The following IQGAP2 variants were observed in gnomAD, a reference collection of about 807,000 sequenced individuals.
The protein encoded by IQGAP2 is IQ motif containing GTPase activating protein 2, also known as ras GTPase-activating-like protein IQGAP2.
IQGAP2 carries 173 observed loss-of-function variants against 201.3 expected under a neutral mutation model. The observed-to-expected ratio is 0.86, with a 90% CI of 0.76 to 0.98. The LOEUF (loss-of-function observed/expected upper bound fraction) is 0.98, where lower values mean the gene tolerates loss of function less well. Among genes scored for constraint, IQGAP2 ranks in the 50% least tolerant of loss-of-function variants. The pLI is 0.00. For synonymous variants in IQGAP2, 675 were observed against 673.9 expected (o/e 1.00, Z -0.03); for missense variants, 1,687 against 1,864.8 (o/e 0.90, Z 1.76).
intron 5 of IQGAP2, 134 bp from the exon 6 acceptor site, chr5:76,588,772 C>T: frequency 4.7e-6 from 2 of 427,592 alleles, no homozygotes; most frequent in Non-Finnish European, 8.4e-6. Flanking sequence ...ACTCAGTTTC[C>T]TCATTTACAA....
At chr5:76,427,023 A>T (rs1018723821) in intron 1 of IQGAP2, among the ~76,000 whole-genome samples, 2 of 123,654 alleles carry the variant, frequency 1.6e-5, no homozygotes, top group Admixed American at 1.7e-4. Context: ...GAGAAGAGAA[A>T]ATAACATTAG....
Position 76,645,184 on chromosome 5 carries a change from CT to C in IQGAP2, c.2094+4087del, listed in dbSNP as rs555570912. Among the ~76,000 whole-genome samples the C allele has an allele frequency of 8.4e-3, 1,272 of 152,238 alleles. 12 individuals are homozygous for C. The highest frequency in any genetic ancestry group is 0.029 in the African/African-American group (1,190 of 41,540). ...TCCCTGCAAAGGATGTGAACTCATC[CT>C]TTTTTATGGCTGCATAGTATTCCAT... is the stretch of plus-strand genomic sequence containing the variant. On this transcript the variant is annotated intron_variant, in intron 17 of 35. Transcript: ENST00000274364.
chr5:76,548,375 G>C (rs915608275), intron 2 of IQGAP2, among the ~76,000 whole-genome samples: 1 of 152,180 alleles, frequency 6.6e-6, no homozygotes, highest in African/African-American at 2.4e-5. Flanking sequence ...TTAAAGCACA[G>C]GCACACCTGG....
rs780528854 is a variant in IQGAP2 at position 76,702,636 on chromosome 5, G to C, written c.4614+46G>C. On this transcript the variant is annotated intron_variant, in intron 35 of 35. Coordinates refer to ENST00000274364, the MANE Select transcript of IQGAP2 (RefSeq NM_006633.5). ...CACATTGATGATAAATTTTATATGT[G>C]GATCATACATTGCTACCCTGGCTCT... The C allele has an allele frequency of 2.1e-5, 19 of 892,072 alleles. 2 individuals are homozygous for C. In the South Asian group the frequency reaches 2.4e-4, roughly 11 times the overall value. The allele number at this position is 892,072 out of a possible 1,614,324, so 55.3% of individuals were successfully genotyped here. A position where few individuals can be genotyped will look rare whatever the true frequency, so the allele number is the denominator to read the frequency against.
Position 76,496,733 on chromosome 5 carries a change from C to CT in IQGAP2, c.146+35067dup, listed in dbSNP as rs759246241. Among the ~76,000 whole-genome samples, 112 of 37,610 alleles carry CT rather than the reference C, an allele frequency of 3.0e-3. 1 individual carries two copies. The highest frequency in any genetic ancestry group is 9.3e-3 in the African/African-American group (64 of 6,884). The allele number at this position is 37,610 out of a possible 152,430, so 24.7% of individuals were successfully genotyped here. On this transcript the variant is annotated intron_variant, in intron 2 of 35. Coordinates refer to ENST00000274364, the MANE Select transcript of IQGAP2 (RefSeq NM_006633.5). ...CTTTCTTTCTTTCTTTCTTTTCTTT[C>CT]TTTCTTTCTTTCTTTCTTTCTTTCT...
chr5:76,687,457 C>T (rs1745880985), intron 30 of IQGAP2, among the ~76,000 whole-genome samples: 1 of 152,186 alleles, frequency 6.6e-6, no homozygotes. Context: ...CAAAGTGCAG[C>T]ATTGACAGGG....
intron 1 of IQGAP2, among the ~76,000 whole-genome samples, chr5:76,448,048 CAG>C (rs1461942730): frequency 6.6e-6 from 1 of 152,048 alleles, no homozygotes; most frequent in African/African-American, 2.4e-5. Context: ...TGTGGAGGTC[CAG>C]AGAGACTCAG....
At chr5:76,444,291 TTTTG>T (rs1232344390) in intron 1 of IQGAP2, among the ~76,000 whole-genome samples, 1 of 152,066 alleles carries the variant, frequency 6.6e-6, no homozygotes, top group Non-Finnish European at 1.5e-5. Context: ...ACAAGTGTTT[TTTTG>T]TTTGTTTTGT....
At chr5:76,450,848 A>T (rs1753695210) in intron 1 of IQGAP2, among the ~76,000 whole-genome samples, 1 of 152,186 alleles carries the variant, frequency 6.6e-6, no homozygotes, top group African/African-American at 2.4e-5. Context: ...TTCTTGATCC[A>T]TGACTGTATT....
chr5:76,647,354 C>T (rs1752128620), intron 17 of IQGAP2, among the ~76,000 whole-genome samples: 2 of 152,060 alleles, frequency 1.3e-5, no homozygotes. Context: ...CCCAGAAATG[C>T]CAATGGGTAC....
chr5:76,660,566 TTAAA>T (rs1446329956), intron 21 of IQGAP2, among the ~76,000 whole-genome samples: 6 of 152,352 alleles, frequency 3.9e-5, no homozygotes, highest in Admixed American at 3.9e-4. Flanking sequence ...AGTACATAGT[TTAAA>T]TAATATGTAT....
intron 4 of IQGAP2, among the ~76,000 whole-genome samples, chr5:76,574,798 AAAT>A (rs574668344): frequency 2.6e-4 from 39 of 152,372 alleles, no homozygotes; most frequent in Middle Eastern, 6.8e-3. Flanking sequence ...TGATTATCCA[AAAT>A]AATCAGATGC....
intron 2 of IQGAP2, among the ~76,000 whole-genome samples, chr5:76,511,666 T>TTTTTG (rs1489383705): frequency 6.8e-5 from 10 of 147,608 alleles, no homozygotes; most frequent in South Asian, 2.2e-4. Flanking sequence ...AATGAGTTTT[T>TTTTTG]TTTTGTTTTG....
intron 1 of IQGAP2, among the ~76,000 whole-genome samples, chr5:76,429,527 G>A (rs952448976): frequency 6.1e-5 from 9 of 148,184 alleles, no homozygotes; most frequent in African/African-American, 2.0e-4. Flanking sequence ...AGCCAAGATC[G>A]CACCATTGCA....
At chr5:76,444,169 T>C (rs1315693463) in intron 1 of IQGAP2, among the ~76,000 whole-genome samples, 1 of 152,172 alleles carries the variant, frequency 6.6e-6, no homozygotes, top group East Asian at 1.9e-4. Flanking sequence ...AAAGATCACT[T>C]GAGCTCAGGA....
chr5:76,678,588 C>T (rs549631054), intron 28 of IQGAP2, among the ~76,000 whole-genome samples: 111 of 152,284 alleles, frequency 7.3e-4, no homozygotes, highest in African/African-American at 2.4e-3. Context: ...GTTAGCAATG[C>T]ACCCTGGACC....
At chr5:76,617,705 A>G (rs1749120860) in intron 13 of IQGAP2, 1 of 1,614,144 alleles carries the variant, frequency 6.2e-7, no homozygotes, top group Non-Finnish European at 8.5e-7. Context: ...AATATAAGCC[A>G]TCAGTGTTGT....
At chr5:76,434,112 G>A (rs1380843908) in intron 1 of IQGAP2, among the ~76,000 whole-genome samples, 1 of 152,104 alleles carries the variant, frequency 6.6e-6, no homozygotes, top group Non-Finnish European at 1.5e-5. Flanking sequence ...GTATTCTCTA[G>A]GCTTGGTTCA....
chr5:76,694,089 T>C (rs999945990), intron 31 of IQGAP2: 1 of 152,218 alleles, frequency 6.6e-6, no homozygotes, highest in African/African-American at 2.4e-5. Flanking sequence ...TCCTGGATCA[T>C]TCTTAATTTA....
Sources: allele counts gnomAD v4.1 joint callset (sites outside exome capture counted in the v4.1 genomes callset), GRCh38; gene constraint gnomAD v4.1.1; transcripts MANE v1.5; gene names NCBI Gene and HGNC (gene_info 2026-07-23, HGNC 2026-07-21).